The following SAMD5 variants were observed in gnomAD, a reference collection of about 807,000 sequenced individuals.
SAMD5 encodes sterile alpha motif domain containing 5, also known as sterile alpha motif domain-containing protein 5.
In SAMD5, 13 loss-of-function variants were observed where a neutral mutation model predicts 11.3. The ratio of observed to expected loss-of-function variants is 1.15; its 90% confidence interval spans 0.75 to 1.83. The LOEUF (loss-of-function observed/expected upper bound fraction) is 1.83. Among genes scored for constraint, SAMD5 ranks in the 40% most tolerant of loss-of-function variants. SAMD5 has a pLI of 0.00. For synonymous variants in SAMD5, 129 were observed against 111.3 expected, an observed-to-expected ratio of 1.16 and a Z score of -1.00; for missense variants, 255 against 239.1, an observed-to-expected ratio of 1.07 and a Z score of -0.44.
chr6:147,591,291 G>T (rs1028121286), intron 1 of SAMD5, among the ~76,000 whole-genome samples: 1 of 152,174 alleles, frequency 6.6e-6, no homozygotes, highest in African/African-American at 2.4e-5. Flanking sequence ...ACTCAAAAGA[G>T]GTGGAACTCC....
chr6:147,764,050 A>T, the SAMD5 span, among the ~76,000 whole-genome samples: 1 of 152,250 alleles, frequency 6.6e-6, no homozygotes, highest in Non-Finnish European at 1.5e-5. Context: ...CCAAAAAAAG[A>T]AAAGCCCTTA....
At chr6:147,737,190 A>C (rs561864420) in intron 1 of SAMD5, 2 of 310,192 alleles carry the variant, frequency 6.4e-6, no homozygotes, top group East Asian at 1.6e-4. Context: ...GTTTTTTTAT[A>C]ATTGACAGCA....
chr6:147,571,766 T>A (rs1378768574), downstream of SAMD5, among the ~76,000 whole-genome samples: 1 of 152,214 alleles, frequency 6.6e-6, no homozygotes, highest in Non-Finnish European at 1.5e-5. Context: ...AATAGCCATT[T>A]TGAGTGAAGA....
At chr6:147,836,803 G>A in the SAMD5 span, among the ~76,000 whole-genome samples, 1 of 152,140 alleles carries the variant, frequency 6.6e-6, no homozygotes, top group Non-Finnish European at 1.5e-5. Context: ...TATACCTCAT[G>A]TCTCTAGCCC....
chr6:147,771,667 C>G, the SAMD5 span, among the ~76,000 whole-genome samples: 891 of 152,158 alleles, frequency 5.9e-3, 11 homozygotes, highest in Middle Eastern at 0.01. Flanking sequence ...TGTGAAGGTC[C>G]TCATCACCAA....
chr6:147,614,061 G>T (rs753034708), intron 1 of SAMD5, among the ~76,000 whole-genome samples: 2 of 151,968 alleles, frequency 1.3e-5, no homozygotes, highest in Non-Finnish European at 2.9e-5. Context: ...TTTTGTCTGG[G>T]GAGATCGAGA....
the SAMD5 span, among the ~76,000 whole-genome samples, chr6:147,824,937 G>A: frequency 1.3e-3 from 196 of 152,142 alleles, 1 homozygote; most frequent in Admixed American, 5.8e-3. Context: ...TATTAATTTC[G>A]TTTTGAACTT....
the SAMD5 span, among the ~76,000 whole-genome samples, chr6:147,783,779 T>C: frequency 6.6e-6 from 1 of 152,254 alleles, no homozygotes; most frequent in Non-Finnish European, 1.5e-5. Context: ...GAATGTGTTT[T>C]CACTGAGGTA....
chr6:147,523,004 A>G (rs1213994780), intron 1 of SAMD5, among the ~76,000 whole-genome samples: 1 of 152,096 alleles, frequency 6.6e-6, no homozygotes, highest in South Asian at 2.1e-4. Flanking sequence ...TTCTCAGTAT[A>G]GTTGAGGAAA....
At position 147,508,847 on chromosome 6, in the gene SAMD5, G is replaced by A; in HGVS notation, c.-82G>A. 1.3e-6 allele frequency: 2 copies of A among 1,528,424 alleles called. No individual in the cohort carries two copies. Among genetic ancestry groups the A allele is most frequent in the Non-Finnish European group, 1.8e-6 (2 of 1,142,420 alleles). 94.7% of individuals were successfully genotyped at this position (1,528,424 alleles called of 1,614,324 possible). On this transcript the variant is annotated 5_prime_UTR_variant, in exon 1 of 2. Transcript: ENST00000367474. ...ATACCCTTTTCCCCTTGGAGGAGAG[G>A]ATTAAAAGTTCCAAGAACTGGTGCC... is the stretch of plus-strand genomic sequence containing the variant.
the SAMD5 span, among the ~76,000 whole-genome samples, chr6:147,855,129 T>A: frequency 6.6e-6 from 1 of 152,190 alleles, no homozygotes; most frequent in African/African-American, 2.4e-5. Context: ...GTATAAATGT[T>A]TATTTATTGC....
chr6:147,656,129 C>T (rs757338153), intron 1 of SAMD5, among the ~76,000 whole-genome samples: 3 of 152,030 alleles, frequency 2.0e-5, no homozygotes, highest in Admixed American at 6.6e-5. Flanking sequence ...AACTGGAAAG[C>T]AATTTTGAAA....
At chr6:147,643,660 G>T (rs1790346739) in intron 1 of SAMD5, among the ~76,000 whole-genome samples, 1 of 151,686 alleles carries the variant, frequency 6.6e-6, no homozygotes, top group Non-Finnish European at 1.5e-5. Flanking sequence ...GAAGTATTTT[G>T]TTACTCAGAA....
At chr6:147,631,665 G>A (rs1044698044) in intron 1 of SAMD5, among the ~76,000 whole-genome samples, 3 of 152,166 alleles carry the variant, frequency 2.0e-5, no homozygotes, top group Non-Finnish European at 4.4e-5. Context: ...TGTGGGAAAC[G>A]CCTCTACCCA....
At chr6:147,633,004 A>G (rs1336913610) in intron 1 of SAMD5, among the ~76,000 whole-genome samples, 1 of 152,164 alleles carries the variant, frequency 6.6e-6, no homozygotes, top group African/African-American at 2.4e-5. Flanking sequence ...CTGTAGAACA[A>G]AAATAGAGTA....
At chr6:147,687,100 G>T (rs1367958286) in intron 1 of SAMD5, among the ~76,000 whole-genome samples, 1 of 151,916 alleles carries the variant, frequency 6.6e-6, no homozygotes, top group Non-Finnish European at 1.5e-5. Context: ...CATCTTTATG[G>T]ATGTATGTAT....
chr6:147,847,843 A>T, the SAMD5 span, among the ~76,000 whole-genome samples: 1 of 152,116 alleles, frequency 6.6e-6, no homozygotes, highest in African/African-American at 2.4e-5. Flanking sequence ...ACAGAGCAAG[A>T]CTCCATCTCA....
chr6:147,805,440 C>A, the SAMD5 span, among the ~76,000 whole-genome samples: 1 of 152,116 alleles, frequency 6.6e-6, no homozygotes, highest in South Asian at 2.1e-4. Context: ...GGAAATCCAA[C>A]TTCCTTTATT....
chr6:147,736,954 TG>T (rs1041804750), intron 1 of SAMD5, among the ~76,000 whole-genome samples: 4 of 152,138 alleles, frequency 2.6e-5, no homozygotes, highest in Non-Finnish European at 5.9e-5. Flanking sequence ...CAGCCTTATT[TG>T]GGTTTTGACT....
Sources: allele counts gnomAD v4.1 joint callset (sites outside exome capture counted in the v4.1 genomes callset), GRCh38; gene constraint gnomAD v4.1.1; transcripts MANE v1.5; gene names NCBI Gene and HGNC (gene_info 2026-07-23, HGNC 2026-07-21).